The following ZFHX3 variants were observed in gnomAD, a reference collection of about 807,000 sequenced individuals.
The protein encoded by ZFHX3 is zinc finger homeobox protein 3.
In ZFHX3, 42 loss-of-function variants were observed where a neutral mutation model predicts 279.1. The observed-to-expected ratio is 0.15, with a 90% CI of 0.12 to 0.19. ZFHX3 has a LOEUF of 0.19. Among genes scored for constraint, ZFHX3 ranks in the 10% least tolerant of loss-of-function variants. The pLI is 1.00. For missense variants in ZFHX3, 4,981 were observed against 4,754.0 expected, an observed-to-expected ratio of 1.05 and a Z score of -1.40; for synonymous variants, 2,293 against 1,957.8, an observed-to-expected ratio of 1.17 and a Z score of -4.52.
intron 2 of ZFHX3, among the ~76,000 whole-genome samples, chr16:73,484,138 T>C (rs2018929563): frequency 6.6e-6 from 1 of 151,998 alleles, no homozygotes. Context: ...TGTGCAGCAG[T>C]AAAGACTTCC....
chr16:72,876,750 C>T (rs1163975896), intron 4 of ZFHX3, among the ~76,000 whole-genome samples: 1 of 152,056 alleles, frequency 6.6e-6, no homozygotes, highest in Non-Finnish European at 1.5e-5. Flanking sequence ...TTTTTTCCCC[C>T]CTAAAGAAAC....
intron 4 of ZFHX3, among the ~76,000 whole-genome samples, chr16:72,846,267 A>T (rs1439542678): frequency 6.6e-6 from 1 of 152,244 alleles, no homozygotes; most frequent in African/African-American, 2.4e-5. Context: ...TGGCATTTGC[A>T]CACAGACCTG....
chr16:73,725,999 C>T (rs1452148963), intron 1 of ZFHX3, among the ~76,000 whole-genome samples: 2 of 152,144 alleles, frequency 1.3e-5, no homozygotes, highest in African/African-American at 4.8e-5. Flanking sequence ...GGTTTCATTG[C>T]TTCAAGGGGA....
At chr16:73,642,857 CA>C (rs1285173958) in intron 2 of ZFHX3, among the ~76,000 whole-genome samples, 1 of 152,158 alleles carries the variant, frequency 6.6e-6, no homozygotes, top group African/African-American at 2.4e-5. Flanking sequence ...CCATCAACGG[CA>C]GACCCAAAAT....
chr16:73,473,958 T>C (rs186884933), intron 2 of ZFHX3, among the ~76,000 whole-genome samples: 1 of 152,160 alleles, frequency 6.6e-6, no homozygotes, highest in Admixed American at 6.5e-5. Flanking sequence ...ATTATTTGCT[T>C]GAATTGGATT....
At chr16:73,077,681 C>T (rs988659477) in intron 8 of ZFHX3, among the ~76,000 whole-genome samples, 6 of 152,182 alleles carry the variant, frequency 3.9e-5, no homozygotes, top group Non-Finnish European at 8.8e-5. Flanking sequence ...CCAGATCTCT[C>T]CCATAGATTT....
At chr16:73,312,982 G>A (rs566436679) in intron 4 of ZFHX3, among the ~76,000 whole-genome samples, 18 of 152,326 alleles carry the variant, frequency 1.2e-4, no homozygotes, top group Admixed American at 7.8e-4. Context: ...GTTTGGCTCT[G>A]TGTCCAAACC....
chr16:73,610,990 G>A (rs1044320201), intron 2 of ZFHX3, among the ~76,000 whole-genome samples: 1 of 152,174 alleles, frequency 6.6e-6, no homozygotes. Flanking sequence ...TTTGTCAGCC[G>A]CTGCTGGAAC....
intron 3 of ZFHX3, among the ~76,000 whole-genome samples, chr16:73,438,550 C>G (rs767772520): frequency 6.6e-6 from 1 of 152,096 alleles, no homozygotes; most frequent in African/African-American, 2.4e-5. Flanking sequence ...TCCATGTTGA[C>G]AGGGAAAAAC....
chr16:73,127,885 T>C (rs948922192), intron 7 of ZFHX3, among the ~76,000 whole-genome samples: 3 of 152,212 alleles, frequency 2.0e-5, no homozygotes, highest in African/African-American at 7.2e-5. Flanking sequence ...TGTGAACATG[T>C]AACTTGTTTG....
chr16:73,522,992 T>G (rs1375243242), intron 2 of ZFHX3, among the ~76,000 whole-genome samples: 1 of 152,114 alleles, frequency 6.6e-6, no homozygotes, highest in African/African-American at 2.4e-5. Flanking sequence ...ACTGCGCCCA[T>G]AATTCAATTA....
chr16:73,550,584 T>G (rs1466410485), intron 2 of ZFHX3, among the ~76,000 whole-genome samples: 1 of 152,232 alleles, frequency 6.6e-6, no homozygotes, highest in East Asian at 1.9e-4. Flanking sequence ...GCAAAGTTTT[T>G]CAACAATGAG....
intron 2 of ZFHX3, among the ~76,000 whole-genome samples, chr16:73,536,718 T>A (rs2143739649): frequency 6.6e-6 from 1 of 152,180 alleles, no homozygotes; most frequent in East Asian, 1.9e-4. Context: ...CTACAGCTGT[T>A]CCTGGCACAT....
chr16:73,617,097 A>C (rs2052312343), intron 2 of ZFHX3, among the ~76,000 whole-genome samples: 1 of 152,192 alleles, frequency 6.6e-6, no homozygotes, highest in African/African-American at 2.4e-5. Context: ...ATGAGTTCGT[A>C]AACAGCAAAT....
Position 72,957,658 on chromosome 16 carries a change from G to C in ZFHX3, c.2488C>G (p.His830Asp). The C allele has an allele frequency of 6.2e-7, 1 of 1,614,208 alleles. No homozygotes were observed. The highest frequency in any genetic ancestry group is 2.2e-5 in the East Asian group (1 of 44,870). Reference sequence around the variant, plus strand: ...TTCTGTTGCAGTAACATCATGTTATGCATGTGCTTCTCACTGGTCATGTGA... The same window carrying C: ...TTCTGTTGCAGTAACATCATGTTATCCATGTGCTTCTCACTGGTCATGTGA... ...RIHMTSEKHMHNMMLLQQNMT... is the reference protein window; with the variant it reads ...RIHMTSEKHMDNMMLLQQNMT... Residue 830 changes from histidine (H) to aspartate (D), a missense_variant, in exon 2 of 10, where the codon CAT becomes GAT. Coordinates refer to ENST00000268489, the MANE Select transcript of ZFHX3 (RefSeq NM_006885.4).
chr16:72,872,466 T>C (rs925536395), intron 4 of ZFHX3, among the ~76,000 whole-genome samples: 15 of 152,192 alleles, frequency 9.9e-5, no homozygotes, highest in Non-Finnish European at 1.5e-5. Flanking sequence ...ATTTGTGTTT[T>C]GCTTTTTTTG....
At chr16:73,570,928 G>T (rs2051727784) in intron 2 of ZFHX3, among the ~76,000 whole-genome samples, 1 of 143,780 alleles carries the variant, frequency 7.0e-6, no homozygotes. Context: ...ACTAAAATTA[G>T]ATGCTGCAAC....
At position 72,960,115 on chromosome 16, in the gene ZFHX3, C is replaced by T; in HGVS notation, c.31G>A (p.Gly11Arg). Residue 11 changes from glycine (G) to arginine (R), a missense_variant, in exon 2 of 10, where the codon GGG (glycine) becomes AGG (arginine). Transcript: ENST00000268489. ...GGGATACCGCACCCATTGTCCTTCC[C>T]CGAGACGACGGGCGAGTCACAGCCT... The part of the protein sequence containing the change: MEGCDSPVVS[G>R]KDNGCGIPQH... 6.3e-7 allele frequency: 1 copy of T among 1,596,486 alleles called. No homozygotes were observed. Among genetic ancestry groups the T allele is most frequent in the Non-Finnish European group, 8.5e-7 (1 of 1,170,986 alleles).
intron 2 of ZFHX3, among the ~76,000 whole-genome samples, chr16:73,674,974 T>C (rs978396993): frequency 9.9e-5 from 15 of 152,146 alleles, no homozygotes; most frequent in Admixed American, 9.2e-4. Flanking sequence ...ATTGCTGTTA[T>C]AAGCTGCTAC....
Sources: gnomAD v4.1 joint callset for allele counts (sites outside exome capture counted in the v4.1 genomes callset) on GRCh38, gnomAD v4.1.1 for gene constraint, MANE v1.5 for transcripts, NCBI Gene and HGNC (gene_info 2026-07-23, HGNC 2026-07-21) for gene names.